ZSWIM4: variants seen among roughly 807,000 people sequenced by gnomAD.
ZSWIM4 encodes zinc finger SWIM domain-containing protein 4.
ZSWIM4 carries 62 observed loss-of-function variants against 102.5 expected under a neutral mutation model. The ratio of observed to expected loss-of-function variants is 0.60; its 90% CI spans 0.49 to 0.75. ZSWIM4 has a LOEUF of 0.75. ZSWIM4 is among the 30% of genes least tolerant of loss of function. The pLI, the probability that ZSWIM4 is intolerant of heterozygous loss-of-function variation, is 0.00. For missense variants in ZSWIM4, 1,280 were observed against 1,529.6 expected (o/e 0.84, Z 2.72); for synonymous variants, 652 against 674.5 (o/e 0.97, Z 0.52).
intron 1 of ZSWIM4, 35 bp downstream of exon 1, chr19:13,795,836 C>G (rs1334130894): frequency 2.5e-6 from 3 of 1,195,474 alleles, no homozygotes; most frequent in African/African-American, 1.6e-5. Flanking sequence ...GGCAGGGACG[C>G]ACCCCCAGCA....
chr19:13,830,523 C>T lies in ZSWIM4; in HGVS notation c.2794C>T (p.Arg932Cys), dbSNP rs565047636. Residue 932 changes from arginine to cysteine, a missense_variant, in exon 14 of 14, where the codon CGC becomes TGC. Arg to Cys is a radical substitution (Grantham distance 180). Coordinates refer to ENST00000590508, the MANE Select transcript of ZSWIM4 (RefSeq NM_001367834.3). ...CACTGTGGCCCGCTATATGGAGCAC[C>T]GCGGGCTGCCGCTCCGGGCCTACAA... ...LFTVARYMEH[R>C]GLPLRAYKLA... 2 of 1,599,486 alleles carry T rather than the reference C, an allele frequency of 1.3e-6. No individual in the cohort carries two copies. Among genetic ancestry groups the T allele is most frequent in the Admixed American group, 1.7e-5 (1 of 59,970 alleles).
At chr19:13,827,731 A>G (rs868775770) in intron 12 of ZSWIM4, among the ~76,000 whole-genome samples, 6 of 152,136 alleles carry the variant, frequency 3.9e-5, no homozygotes, top group Middle Eastern at 3.4e-3. Flanking sequence ...CAAGACAAGG[A>G]GCTTTCAGAG....
At chr19:13,827,488 G>A (rs953388692) in intron 12 of ZSWIM4, among the ~76,000 whole-genome samples, 3 of 150,070 alleles carry the variant, frequency 2.0e-5, no homozygotes, top group Non-Finnish European at 4.4e-5. Context: ...AGCTGCTCGG[G>A]AGGCTGAGGC....
chr19:13,798,598 A>G (rs1974671552), intron 1 of ZSWIM4, among the ~76,000 whole-genome samples: 1 of 152,176 alleles, frequency 6.6e-6, no homozygotes, highest in Non-Finnish European at 1.5e-5. Flanking sequence ...ACTATGGGCC[A>G]GGTGTTATTG....
At chr19:13,801,350 A>C (rs1225037312) in intron 2 of ZSWIM4, among the ~76,000 whole-genome samples, 1 of 152,080 alleles carries the variant, frequency 6.6e-6, no homozygotes, top group African/African-American at 2.4e-5. Flanking sequence ...TGAAGTAGTG[A>C]GACGGAGAGA....
At position 13,830,821 on chromosome 19, in the gene ZSWIM4, A is replaced by G. The variant is rs981642727; in HGVS notation, c.3092A>G (p.Gln1031Arg). The change falls in exon 14 of 14, where the codon CAG (glutamine) becomes CGG (arginine). Residue 1031 changes from glutamine to arginine, a missense_variant. By Grantham distance (43) the Gln-to-Arg change is conservative (BLOSUM62 1). Coordinates refer to ENST00000590508, the MANE Select transcript of ZSWIM4 (RefSeq NM_001367834.3). ...GGTGCCGACCGGGCGCCGCTCTGCC[A>G]GCTCCTGGACGCGGCAGTCACCGCC... ...PLGADRAPLC[Q>R]LLDAAVTAYI... is the part of the protein sequence containing the mutation. 11 of 1,606,532 alleles carry G rather than the reference A, an allele frequency of 6.8e-6. No homozygotes were observed. In the East Asian group the frequency reaches 2.2e-4, roughly 33 times the overall value.
rs1975014581 is a variant in ZSWIM4, at chr19:13,809,420, G to A, written c.1012+200G>A. 1.3e-5 allele frequency among the ~76,000 whole-genome samples: 2 copies of A among 152,254 alleles called. No homozygotes were observed. Among genetic ancestry groups the A allele is most frequent in the Admixed American group, 6.5e-5 (1 of 15,284 alleles). On this transcript the variant is annotated intron_variant, in intron 5 of 13. Coordinates refer to ENST00000590508, the MANE Select transcript of ZSWIM4 (RefSeq NM_001367834.3). This position sits in a 1 kb window ranked among gnomAD's most constrained non-coding sequence, Gnocchi z 4.2. ...ACAAGAGAGTCAAAATCCTGTTCACGTGGATCTGACAGGAGGCACAGGCAA... is the reference window on the plus strand; with the variant it reads ...ACAAGAGAGTCAAAATCCTGTTCACATGGATCTGACAGGAGGCACAGGCAA...
chr19:13,812,959 G>T, intron 5 of ZSWIM4, 38 bp from the exon 6 acceptor site: 1 of 1,566,202 alleles, frequency 6.4e-7, no homozygotes, highest in Non-Finnish European at 8.7e-7. Flanking sequence ...TGCTGCCACT[G>T]TTGGCAGGAA....
intron 3 of ZSWIM4, 69 bp downstream of exon 3, chr19:13,805,217 CCCA>C: frequency 7.3e-7 from 1 of 1,363,404 alleles, no homozygotes; most frequent in Non-Finnish European, 1.0e-6. Context: ...TTGCTGTGTG[CCCA>C]GTGCTGGTCA....
In ZSWIM4 at chr19:13,799,994, A is replaced by T; in HGVS notation, c.355+73A>T. ...CCAGGCCTGGAAATGGGGGAGTTGG[A>T]GGGAGGCCTGGGGCCAGGGGATGGG... On this transcript the variant is annotated intron_variant, in intron 2 of 13. Transcript: ENST00000590508. 1.4e-6 allele frequency: 2 copies of T among 1,449,998 alleles called. No homozygotes were observed. The highest frequency in any genetic ancestry group is 1.5e-5 in the African/African-American group (1 of 67,158). 89.8% of individuals were successfully genotyped at this position (1,449,998 alleles called of 1,614,324 possible). A position where few individuals can be genotyped will look rare whatever the true frequency, so the allele number is the denominator to read the frequency against.
At position 13,817,907 on chromosome 19, in the gene ZSWIM4, C is replaced by A; in HGVS notation, c.1855C>A (p.Leu619Met). The part of the protein sequence containing the change: ...VRNEEQLLAL[L>M]EEVELDERLV... ...CAACGAGGAGCAGCTGCTGGCCCTG[C>A]TGGAGGAGGTGGAGTTGGATGAGCG... Residue 619 changes from leucine to methionine, a missense_variant, in exon 9 of 14, where the codon CTG becomes ATG. Physicochemically the swap from Leu to Met is conservative, Grantham distance 15. Coordinates refer to ENST00000590508, the MANE Select transcript of ZSWIM4 (RefSeq NM_001367834.3). 6.5e-7 allele frequency: 1 copy of A among 1,548,158 alleles called. No individual in the cohort carries two copies. The highest frequency in any genetic ancestry group is 8.7e-7 in the Non-Finnish European group (1 of 1,145,442).
At position 13,812,882 on chromosome 19, in the gene ZSWIM4, C is replaced by T. The variant is rs776490106; in HGVS notation, c.1013-115C>T. On this transcript the variant is annotated intron_variant, in intron 5 of 13. Transcript: ENST00000590508. ...TGCAAAGGCTGCGAGTTGCAACTTCCGAGGGTCGAGGTGAGGGGTTAGCAG... is the reference window on the plus strand; with the variant it reads ...TGCAAAGGCTGCGAGTTGCAACTTCTGAGGGTCGAGGTGAGGGGTTAGCAG... 291 of 1,197,344 alleles carry T rather than the reference C, an allele frequency of 2.4e-4. 1 individual carries two copies. In the East Asian group the frequency reaches 6.4e-3, roughly 26 times the overall value. The allele number at this position is 1,197,344 out of a possible 1,614,324, so 74.2% of individuals were successfully genotyped here.
rs1018188238 is a variant in ZSWIM4, at chr19:13,813,008, G to A, written c.1024G>A (p.Val342Ile). Reference sequence around the variant, plus strand: ...CCGTGCCTCCTCAGGGGCCCTGTGGGTTTGCGTCGTCCTGAGCCCCCACTG... The same window carrying A: ...CCGTGCCTCCTCAGGGGCCCTGTGGATTTGCGTCGTCCTGAGCCCCCACTG... ...QLWDELGALW[V>I]CVVLSPHCKP... Residue 342 changes from valine to isoleucine, a missense_variant, in exon 6 of 14, where the codon GTT becomes ATT. Transcript: ENST00000590508. 6.8e-6 allele frequency: 11 copies of A among 1,610,956 alleles called. No homozygotes were observed. Among genetic ancestry groups the A allele is most frequent in the Admixed American group, 5.0e-5 (3 of 59,764 alleles).
rs916675891 is a variant in ZSWIM4 at position 13,809,784 on chromosome 19, T to C, written c.1012+564T>C. Among the ~76,000 whole-genome samples the C allele has an allele frequency of 2.0e-5, 3 of 151,512 alleles. No individual in the cohort carries two copies. The highest frequency in any genetic ancestry group is 7.3e-5 in the African/African-American group (3 of 41,044). The stretch of plus-strand genomic sequence containing the variant: ...CATGAGCCACCACACCCAGCCTACA[T>C]GTTTTGTTTCTTTTTTTCTTTTTTT... On this transcript the variant is annotated intron_variant, in intron 5 of 13. Coordinates refer to ENST00000590508, the MANE Select transcript of ZSWIM4 (RefSeq NM_001367834.3). The surrounding 1 kb of genome is among the most constrained non-coding windows in gnomAD (Gnocchi z 4.2).
Position 13,825,604 on chromosome 19 carries a change from C to A in ZSWIM4, c.2270C>A (p.Ser757Tyr). 1 of 1,614,228 alleles carries A rather than the reference C, an allele frequency of 6.2e-7. No homozygotes were observed. Among genetic ancestry groups the A allele is most frequent in the Non-Finnish European group, 8.5e-7 (1 of 1,180,034 alleles). The change falls in exon 12 of 14, where the codon TCT (serine) becomes TAT (tyrosine). Residue 757 changes from serine to tyrosine, a missense_variant. Physicochemically the swap from Ser to Tyr is moderately radical, Grantham distance 144 (BLOSUM62 -2). Coordinates refer to ENST00000590508, the MANE Select transcript of ZSWIM4 (RefSeq NM_001367834.3). The surrounding 1 kb of genome is among the most constrained non-coding windows in gnomAD (Gnocchi z 4.6). ...GGCTCCATCCAGCAGAACATCCACTCTCCGGCCCTGCTCTTTAAGCTGGCG... is the reference window on the plus strand; with the variant it reads ...GGCTCCATCCAGCAGAACATCCACTATCCGGCCCTGCTCTTTAAGCTGGCG... ...VLGSIQQNIHSPALLFKLAQD... is the reference protein window; with the variant it reads ...VLGSIQQNIHYPALLFKLAQD...
At chr19:13,800,057 T>C (rs567912994) in intron 2 of ZSWIM4, 136 bp downstream of exon 2, 1 of 711,378 alleles carries the variant, frequency 1.4e-6, no homozygotes, top group South Asian at 2.0e-5. Flanking sequence ...CAGATAGGAT[T>C]GTACAAGATT....
chr19:13,804,925 C>T lies in ZSWIM4; in HGVS notation c.489C>T (p.Phe163=). 1.2e-6 allele frequency: 2 copies of T among 1,613,580 alleles called. No homozygotes were observed. Among genetic ancestry groups the T allele is most frequent in the South Asian group, 1.1e-5 (1 of 91,088 alleles). ...VSCGCDNRDL[F]YCAHVVALSL... is the part of the protein sequence containing the mutation. ...GCGGCTGTGACAACCGCGACCTCTT[C>T]TACTGTGCCCACGTGGTGGCCCTGT... Residue 163 remains phenylalanine, a synonymous_variant, in exon 3 of 14, where the codon TTC becomes TTT. Coordinates refer to ENST00000590508, the MANE Select transcript of ZSWIM4 (RefSeq NM_001367834.3).
chr19:13,818,976 C>A (rs1975384202), intron 9 of ZSWIM4, among the ~76,000 whole-genome samples: 1 of 151,982 alleles, frequency 6.6e-6, no homozygotes, highest in African/African-American at 2.4e-5. Flanking sequence ...CATTCTCCTG[C>A]CTCAGCCTCC....
chr19:13,795,861 C>T (rs1974597530), intron 1 of ZSWIM4, 60 bp downstream of exon 1: 4 of 1,087,568 alleles, frequency 3.7e-6, no homozygotes, highest in Non-Finnish European at 4.6e-6. Flanking sequence ...CCCCACCTGT[C>T]TTCTCCTCCC....
Sources: gnomAD v4.1 joint callset for allele counts (sites outside exome capture counted in the v4.1 genomes callset) on GRCh38, gnomAD v4.1.1 for gene constraint, Gnocchi (gnomAD v3.1) non-coding constraint, MANE v1.5 for transcripts, NCBI Gene and HGNC (gene_info 2026-07-23, HGNC 2026-07-21) for gene names.